Variants in TTLL5 observed in about 807,000 individuals in gnomAD.
The protein encoded by TTLL5 is tubulin tyrosine ligase like 5, also known as tubulin polyglutamylase TTLL5.
In TTLL5, 132 loss-of-function variants were observed where a neutral mutation model predicts 168.4. The observed-to-expected ratio is 0.78, with a 90% CI of 0.68 to 0.91. The LOEUF is 0.91. TTLL5 is among the 40% of genes least tolerant of loss of function. The pLI is 0.00. For missense variants in TTLL5, 1,545 were observed against 1,581.5 expected (o/e 0.98, Z 0.39); for synonymous variants, 546 against 558.6 (o/e 0.98, Z 0.32).
intron 18 of TTLL5, 25 bp from the exon 19 acceptor site, chr14:75,764,590 A>G: frequency 6.2e-7 from 1 of 1,612,864 alleles, no homozygotes; most frequent in Non-Finnish European, 8.5e-7. Context: ...TGAAGGCCAT[A>G]GCTACCATGT....
intron 31 of TTLL5, among the ~76,000 whole-genome samples, chr14:75,926,727 G>A (rs778490863): frequency 9.7e-4 from 148 of 152,146 alleles, no homozygotes; most frequent in African/African-American, 3.3e-3. Context: ...GTAAAATGGC[G>A]CAGCTGGTTT....
intron 3 of TTLL5, among the ~76,000 whole-genome samples, chr14:75,671,217 G>A (rs1853918722): frequency 6.6e-6 from 1 of 152,184 alleles, no homozygotes; most frequent in Non-Finnish European, 1.5e-5. Context: ...TAGACCATAG[G>A]TGTATGGGTT....
intron 21 of TTLL5, among the ~76,000 whole-genome samples, chr14:75,772,357 A>G (rs894045012): frequency 1.3e-5 from 2 of 152,206 alleles, no homozygotes; most frequent in South Asian, 2.1e-4. Flanking sequence ...GCTTTCATGC[A>G]TTGTAAAGCA....
intron 28 of TTLL5, among the ~76,000 whole-genome samples, chr14:75,828,176 T>C (rs1895338912): frequency 6.6e-6 from 1 of 152,152 alleles, no homozygotes. Flanking sequence ...GTTAGTAAAT[T>C]GGATGTACTT....
intron 28 of TTLL5, among the ~76,000 whole-genome samples, chr14:75,850,653 T>C (rs1371525233): frequency 6.6e-6 from 1 of 152,140 alleles, no homozygotes; most frequent in Non-Finnish European, 1.5e-5. Flanking sequence ...AATGAATACC[T>C]GGGATGACAG....
At chr14:75,740,184 T>G (rs1183984125) in intron 15 of TTLL5, among the ~76,000 whole-genome samples, 4 of 152,212 alleles carry the variant, frequency 2.6e-5, no homozygotes, top group Non-Finnish European at 5.9e-5. Flanking sequence ...CAAAGACATT[T>G]AATATATTGC....
At chr14:75,892,254 A>C (rs1478964374) in intron 30 of TTLL5, among the ~76,000 whole-genome samples, 1 of 152,226 alleles carries the variant, frequency 6.6e-6, no homozygotes, top group Non-Finnish European at 1.5e-5. Flanking sequence ...TGATGGATGA[A>C]CATTTAAAGA....
intron 31 of TTLL5, among the ~76,000 whole-genome samples, chr14:75,938,901 T>G (rs1048281177): frequency 6.6e-6 from 1 of 152,210 alleles, no homozygotes; most frequent in Non-Finnish European, 1.5e-5. Flanking sequence ...AGTAAAGAGC[T>G]TGATTGCCTA....
intron 28 of TTLL5, chr14:75,838,187 G>A (rs558282917): frequency 3.2e-4 from 48 of 152,204 alleles, no homozygotes; most frequent in African/African-American, 1.1e-3. Flanking sequence ...TTTACTAGAT[G>A]GCCAGTGAAT....
In TTLL5 at chr14:75,733,984, G is replaced by T. The variant is rs779335897; in HGVS notation, c.1125-5G>T. 1.5e-5 allele frequency: 24 copies of T among 1,613,716 alleles called. No homozygotes were observed. On this transcript the variant is annotated splice_polypyrimidine_tract_variant and splice_region_variant and intron_variant, in intron 13 of 31. Transcript: ENST00000298832. ...AATTGCTCTTTTCTTTCTCTGTTCT[G>T]TTAGTGATGCGCCTCTGGACCTAAA...
At chr14:75,805,662 A>G (rs1425018610) in intron 27 of TTLL5, among the ~76,000 whole-genome samples, 2 of 152,238 alleles carry the variant, frequency 1.3e-5, no homozygotes, top group Non-Finnish European at 2.9e-5. Flanking sequence ...CATTCAAAAT[A>G]CTTGATGTAT....
At chr14:75,937,956 C>T (rs532158699) in intron 31 of TTLL5, among the ~76,000 whole-genome samples, 1 of 152,246 alleles carries the variant, frequency 6.6e-6, no homozygotes, top group Middle Eastern at 3.4e-3. Flanking sequence ...GTAGCTGTAC[C>T]ATTTTACACC....
At chr14:75,714,091 A>T (rs1887271864) in intron 9 of TTLL5, among the ~76,000 whole-genome samples, 1 of 152,078 alleles carries the variant, frequency 6.6e-6, no homozygotes, top group African/African-American at 2.4e-5. Context: ...GCATTTTTGA[A>T]GATTACAGGC....
At chr14:75,944,833 G>C (rs369868524) in intron 31 of TTLL5, among the ~76,000 whole-genome samples, 1 of 152,188 alleles carries the variant, frequency 6.6e-6, no homozygotes, top group Non-Finnish European at 1.5e-5. Flanking sequence ...TCAGGAGTTG[G>C]GGGAGTGGGC....
At chr14:75,868,112 C>T (rs764611764) in intron 29 of TTLL5, among the ~76,000 whole-genome samples, 3 of 152,102 alleles carry the variant, frequency 2.0e-5, no homozygotes, top group Non-Finnish European at 4.4e-5. Context: ...CAGGACAGAG[C>T]GATTACTCAG....
chr14:75,860,858 G>C (rs941963041), intron 28 of TTLL5, among the ~76,000 whole-genome samples: 2 of 151,982 alleles, frequency 1.3e-5, no homozygotes, highest in African/African-American at 4.8e-5. Flanking sequence ...AGAGATAATA[G>C]GTTCCTCAGG....
chr14:75,778,347 C>T (rs1390259282), intron 23 of TTLL5, among the ~76,000 whole-genome samples: 1 of 152,114 alleles, frequency 6.6e-6, no homozygotes, highest in African/African-American at 2.4e-5. Context: ...TGGAGTCAGA[C>T]AGGAAAACAT....
rs74702436 is a variant in TTLL5 at position 75,753,831 on chromosome 14, C to A, written c.1550+876C>A. 4.6e-3 allele frequency among the ~76,000 whole-genome samples: 697 copies of A among 152,198 alleles called. 9 individuals carry two copies. The highest frequency in any genetic ancestry group is 0.016 in the African/African-American group (658 of 41,534). On this transcript the variant is annotated intron_variant, in intron 18 of 31. Coordinates refer to ENST00000298832, the MANE Select transcript of TTLL5 (RefSeq NM_015072.5). ...TTCCTCCCCTCTATGAAAACTTTTA[C>A]AAGGTTTCTTTTATCTTTAGAGTTT...
intron 26 of TTLL5, among the ~76,000 whole-genome samples, chr14:75,783,958 A>G (rs973078845): frequency 6.6e-6 from 1 of 152,240 alleles, no homozygotes; most frequent in South Asian, 2.1e-4. Flanking sequence ...TATCATTTTA[A>G]CTGAAATAGA....
Sources: allele counts gnomAD v4.1 joint callset (sites outside exome capture counted in the v4.1 genomes callset), GRCh38; gene constraint gnomAD v4.1.1; transcripts MANE v1.5; gene names NCBI Gene and HGNC (gene_info 2026-07-23, HGNC 2026-07-21).